The following DACH2 variants were observed in gnomAD, a reference collection of about 807,000 sequenced individuals.
DACH2 encodes dachshund homolog 2.
A neutral mutation model predicts 35.8 loss-of-function variants in DACH2; 17 were observed. The ratio of observed to expected loss-of-function variants is 0.48; its 90% confidence interval spans 0.33 to 0.71. The LOEUF is 0.71. DACH2 is among the 30% of genes least tolerant of loss of function. DACH2 has a pLI of 0.02. For missense variants in DACH2, 469 were observed against 472.7 expected (o/e 0.99, Z 0.07); for synonymous variants, 195 against 177.3 (o/e 1.10, Z -0.79).
chrX:86,411,020 T>TTTTATATATATATA (rs1556108950), intron 2 of DACH2, among the ~76,000 whole-genome samples: 4 of 40,528 alleles, frequency 9.9e-5, no homozygotes, highest in African/African-American at 3.7e-4. Context: ...ACTAATATGA[T>TTTTATATATATATA]TATATATATA....
intron 4 of DACH2, among the ~76,000 whole-genome samples, chrX:86,657,712 A>G (rs1012561454): frequency 9.0e-6 from 1 of 111,396 alleles, no homozygotes; most frequent in African/African-American, 3.3e-5. Context: ...TTGTTTTTCA[A>G]TTTAAGAGGG....
chrX:86,735,861 T>G (rs2041589405), intron 6 of DACH2, among the ~76,000 whole-genome samples: 2 of 111,742 alleles, frequency 1.8e-5, no homozygotes, highest in Middle Eastern at 4.6e-3. Flanking sequence ...GTTTCCTTTT[T>G]AAATACTTAT....
chrX:86,345,941 C>G (rs1368152118), intron 1 of DACH2, among the ~76,000 whole-genome samples: 6 of 111,917 alleles, frequency 5.4e-5, no homozygotes, highest in African/African-American at 1.9e-4. Context: ...GTATTGCTGA[C>G]AGCAGAAAAA....
At chrX:86,539,866 A>G (rs2038857366) in intron 3 of DACH2, among the ~76,000 whole-genome samples, 1 of 111,533 alleles carries the variant, frequency 9.0e-6, no homozygotes, top group Admixed American at 9.6e-5. Flanking sequence ...TATTACTATT[A>G]TTATTAGGAA....
intron 3 of DACH2, among the ~76,000 whole-genome samples, chrX:86,632,962 A>G (rs1440202383): frequency 9.0e-6 from 1 of 110,605 alleles, no homozygotes; most frequent in African/African-American, 3.3e-5. Context: ...AAATTTATAG[A>G]GTTAAATTCC....
chrX:86,557,779 C>A (rs1436336929), intron 3 of DACH2, among the ~76,000 whole-genome samples: 1 of 37,697 alleles, frequency 2.7e-5, no homozygotes, highest in Non-Finnish European at 5.3e-5. Context: ...GATTTTTGTA[C>A]ATTGATTTTG....
intron 4 of DACH2, among the ~76,000 whole-genome samples, chrX:86,692,580 G>T (rs960908125): frequency 8.9e-6 from 1 of 111,984 alleles, no homozygotes; most frequent in Non-Finnish European, 1.9e-5. Context: ...ATTAAATGTA[G>T]ACTAAACAGT....
At chrX:86,401,735 A>G (rs754867142) in intron 2 of DACH2, among the ~76,000 whole-genome samples, 3 of 110,736 alleles carry the variant, frequency 2.7e-5, no homozygotes, top group African/African-American at 6.6e-5. Context: ...AAAAGAAAAA[A>G]AAAAAACTTC....
chrX:86,588,311 C>A (rs1248365943), intron 3 of DACH2, among the ~76,000 whole-genome samples: 1 of 110,567 alleles, frequency 9.0e-6, no homozygotes, highest in Non-Finnish European at 1.9e-5. Flanking sequence ...ATGCCTTTGG[C>A]TTTTTTCCCC....
intron 7 of DACH2, among the ~76,000 whole-genome samples, chrX:86,795,149 C>G (rs2042222223): frequency 9.0e-6 from 1 of 110,842 alleles, no homozygotes; most frequent in South Asian, 3.8e-4. Context: ...AGTGATCTTC[C>G]CTAGTGACCA....
chrX:86,737,393 T>C (rs1041861389), intron 6 of DACH2, among the ~76,000 whole-genome samples: 3 of 112,068 alleles, frequency 2.7e-5, no homozygotes, highest in Non-Finnish European at 5.6e-5. Context: ...GTCCTTAACA[T>C]GTAATATACA....
chrX:86,187,839 C>T (rs1279070969), intron 1 of DACH2, among the ~76,000 whole-genome samples: 2 of 111,594 alleles, frequency 1.8e-5, no homozygotes, highest in East Asian at 2.8e-4. Context: ...AAAGGAGGAA[C>T]CTCTAGGACA....
intron 11 of DACH2, chrX:86,831,135 C>T (rs1455710547): frequency 3.6e-5 from 4 of 110,918 alleles, no homozygotes; most frequent in African/African-American, 1.3e-4. Context: ...CTGCCACTCA[C>T]CATGATACCT....
At chrX:86,550,070 T>C (rs1312224039) in intron 3 of DACH2, among the ~76,000 whole-genome samples, 1 of 111,395 alleles carries the variant, frequency 9.0e-6, no homozygotes, top group Non-Finnish European at 1.9e-5. Context: ...ATTGTAACCC[T>C]TGGAATCTAA....
At chrX:86,297,043 G>GTGTATATATATATATATA (rs1411917050) in intron 1 of DACH2, among the ~76,000 whole-genome samples, 1 of 89,950 alleles carries the variant, frequency 1.1e-5, no homozygotes, top group African/African-American at 4.4e-5. Flanking sequence ...ATATAATTGT[G>GTGTATATATATATATATA]TATATATATA....
intron 2 of DACH2, among the ~76,000 whole-genome samples, chrX:86,395,591 A>G (rs367557851): frequency 3.6e-4 from 40 of 109,672 alleles, no homozygotes; most frequent in East Asian, 3.2e-3. Context: ...CCTGTGTCCA[A>G]GTGTTCTCAT....
chrX:86,814,898 G>A, intron 10 of DACH2, 64 bp downstream of exon 10: 2 of 1,072,780 alleles, frequency 1.9e-6, no homozygotes, highest in Non-Finnish European at 2.5e-6. Flanking sequence ...AAGAAAAATA[G>A]AAGAAGGAAT....
chrX:86,446,150 T>C (rs1361459200), intron 2 of DACH2, among the ~76,000 whole-genome samples: 3 of 111,249 alleles, frequency 2.7e-5, no homozygotes, highest in Admixed American at 9.6e-5. Flanking sequence ...CTAAGTTACC[T>C]GCTACAAGTA....
intron 7 of DACH2, among the ~76,000 whole-genome samples, chrX:86,777,072 G>A (rs1337049267): frequency 2.7e-5 from 3 of 111,696 alleles, no homozygotes; most frequent in African/African-American, 9.8e-5. Flanking sequence ...CTTTATAGCA[G>A]CATGATTTAT....
Sources: gnomAD v4.1 joint callset for allele counts (sites outside exome capture counted in the v4.1 genomes callset) on GRCh38, gnomAD v4.1.1 for gene constraint, MANE v1.5 for transcripts, NCBI Gene and HGNC (gene_info 2026-07-23, HGNC 2026-07-21) for gene names.